The following PIP4K2B variants were observed in gnomAD, a reference collection of about 807,000 sequenced individuals.
The protein encoded by PIP4K2B is phosphatidylinositol-5-phosphate 4-kinase type 2 beta, also known as phosphatidylinositol 5-phosphate 4-kinase type-2 beta.
In PIP4K2B, 3 loss-of-function variants were observed where a neutral mutation model predicts 42.0. The ratio of observed to expected loss-of-function variants is 0.07; its 90% CI spans 0.03 to 0.18. The LOEUF is 0.18. Ranked by LOEUF, PIP4K2B falls within the 10% of genes least tolerant of loss-of-function variation. The pLI, the probability that PIP4K2B is intolerant of heterozygous loss-of-function variation, is 1.00. For missense variants in PIP4K2B, 332 were observed against 562.3 expected (o/e 0.59, Z 4.14); for synonymous variants, 204 against 210.1 (o/e 0.97, Z 0.25).
At chr17:38,789,611 C>T (rs1027468071) in intron 1 of PIP4K2B, among the ~76,000 whole-genome samples, 1 of 152,202 alleles carries the variant, frequency 6.6e-6, no homozygotes, top group African/African-American at 2.4e-5. Context: ...TAATTTGCTG[C>T]TCCTTTTATG....
intron 7 of PIP4K2B, among the ~76,000 whole-genome samples, chr17:38,772,554 G>A (rs1048309009): frequency 6.6e-6 from 1 of 152,026 alleles, no homozygotes; most frequent in Admixed American, 6.6e-5. Flanking sequence ...AGTGATGTTG[G>A]CAATTCAGAT....
chr17:38,794,964 G>A (rs1299500420), intron 1 of PIP4K2B, among the ~76,000 whole-genome samples: 1 of 151,768 alleles, frequency 6.6e-6, no homozygotes, highest in Non-Finnish European at 1.5e-5. Context: ...GCCTGGTGTG[G>A]TGGCGGGCAC....
intron 1 of PIP4K2B, among the ~76,000 whole-genome samples, chr17:38,794,496 TA>T (rs567475860): frequency 0.075 from 9,027 of 120,244 alleles, 699 homozygotes; most frequent in African/African-American, 0.21. Flanking sequence ...ACAATACAAT[TA>T]AAAAAAAAAA....
intron 7 of PIP4K2B, among the ~76,000 whole-genome samples, chr17:38,772,933 T>C (rs151185751): frequency 6.6e-6 from 1 of 152,246 alleles, no homozygotes; most frequent in Non-Finnish European, 1.5e-5. Flanking sequence ...ATAAATTGCA[T>C]GCTGAGGTTG....
chr17:38,778,287 T>C, intron 6 of PIP4K2B, 47 bp downstream of exon 6: 3 of 1,595,260 alleles, frequency 1.9e-6, no homozygotes, highest in Non-Finnish European at 2.6e-6. Context: ...ACAGGAGTTG[T>C]TTCTGACTCC....
intron 1 of PIP4K2B, among the ~76,000 whole-genome samples, chr17:38,789,243 T>C (rs527575534): frequency 6.2e-4 from 94 of 152,360 alleles, no homozygotes; most frequent in Admixed American, 9.1e-4. Flanking sequence ...CTTTCATCCC[T>C]TCAGGGAGCT....
rs1567649520 is a variant in PIP4K2B at position 38,767,782 on chromosome 17, A to G, written c.*1909T>C. 6.6e-6 allele frequency: 1 copy of G among 152,196 alleles called. No homozygotes were observed. Among genetic ancestry groups the G allele is most frequent in the Admixed American group, 6.5e-5 (1 of 15,284 alleles). The allele number at this position is 152,196 out of a possible 1,614,324, so 9.4% of individuals were successfully genotyped here. A position where few individuals can be genotyped will look rare whatever the true frequency, so the allele number is the denominator to read the frequency against. ...TGACGTGGGGAAATCAAGTCCAAAC[A>G]TTATTCCTACATAATCCCTTTCCCA... On this transcript the variant is annotated 3_prime_UTR_variant, in exon 10 of 10. Coordinates refer to ENST00000619039, the MANE Select transcript of PIP4K2B (RefSeq NM_003559.5).
In PIP4K2B at chr17:38,768,028, T is replaced by G. The variant is rs1329801154; in HGVS notation, c.*1663A>C. Reference sequence around the variant, plus strand: ...TCTTTCCTGACCTATATGCTGTGAGTCAGGCACAGAGACAGTGCTGGTTCC... The same window carrying G: ...TCTTTCCTGACCTATATGCTGTGAGGCAGGCACAGAGACAGTGCTGGTTCC... On this transcript the variant is annotated 3_prime_UTR_variant, in exon 10 of 10. Transcript: ENST00000619039. 4 of 152,202 alleles carry G rather than the reference T, an allele frequency of 2.6e-5. No individual in the cohort carries two copies. In the South Asian group the frequency reaches 8.3e-4, roughly 31 times the overall value. The allele number at this position is 152,202 out of a possible 1,614,324, so 9.4% of individuals were successfully genotyped here.
Position 38,769,651 on chromosome 17 carries a change from C to T in PIP4K2B, c.*40G>A, listed in dbSNP as rs759074785. The stretch of plus-strand genomic sequence containing the variant: ...CTCCCTAACTCCCGATCCCCGACCC[C>T]ATATCCAGCTCTCTGGCTCTGGCTG... On this transcript the variant is annotated 3_prime_UTR_variant, in exon 10 of 10. Coordinates refer to ENST00000619039, the MANE Select transcript of PIP4K2B (RefSeq NM_003559.5). The T allele has an allele frequency of 1.3e-5, 16 of 1,190,496 alleles. No homozygotes were observed. Among genetic ancestry groups the T allele is most frequent in the Non-Finnish European group, 2.0e-5 (16 of 792,914 alleles). 73.7% of individuals were successfully genotyped at this position (1,190,496 alleles called of 1,614,324 possible).
intron 7 of PIP4K2B, among the ~76,000 whole-genome samples, chr17:38,774,536 A>C (rs1301632437): frequency 6.6e-6 from 1 of 152,170 alleles, no homozygotes; most frequent in Non-Finnish European, 1.5e-5. Flanking sequence ...TGGGAGGCCG[A>C]GGCAGGCAGA....
At chr17:38,773,298 C>A (rs150212434) in intron 7 of PIP4K2B, among the ~76,000 whole-genome samples, 9 of 152,206 alleles carry the variant, frequency 5.9e-5, no homozygotes, top group African/African-American at 2.2e-4. Flanking sequence ...AACACAAAAC[C>A]ATACAAGAAT....
intron 7 of PIP4K2B, among the ~76,000 whole-genome samples, chr17:38,777,117 T>G (rs985731960): frequency 6.6e-6 from 1 of 152,126 alleles, no homozygotes; most frequent in Non-Finnish European, 1.5e-5. Flanking sequence ...CAGGCTGGAG[T>G]GTAGTGGTGA....
At chr17:38,771,560 A>T (rs565137917) in intron 7 of PIP4K2B, among the ~76,000 whole-genome samples, 1 of 151,476 alleles carries the variant, frequency 6.6e-6, no homozygotes, top group African/African-American at 2.4e-5. Flanking sequence ...AAAAAAAAAA[A>T]AAAAAAAAAA....
chr17:38,782,124 C>T (rs1598050443), intron 3 of PIP4K2B, among the ~76,000 whole-genome samples: 1 of 152,104 alleles, frequency 6.6e-6, no homozygotes. Context: ...AGTAGCACCC[C>T]AAAAAACAGG....
chr17:38,782,217 A>C (rs913247716), intron 3 of PIP4K2B, among the ~76,000 whole-genome samples: 10 of 152,212 alleles, frequency 6.6e-5, no homozygotes, highest in African/African-American at 2.2e-4. Context: ...CATAAGACTT[A>C]CAGGCTGCAA....
intron 5 of PIP4K2B, among the ~76,000 whole-genome samples, chr17:38,778,839 G>T (rs900956040): frequency 6.6e-6 from 1 of 152,190 alleles, no homozygotes; most frequent in Non-Finnish European, 1.5e-5. Flanking sequence ...GTGGGGGAAG[G>T]AGTGGGTGGA....
intron 1 of PIP4K2B, among the ~76,000 whole-genome samples, chr17:38,792,387 A>G (rs1910389194): frequency 6.6e-6 from 1 of 152,116 alleles, no homozygotes; most frequent in Non-Finnish European, 1.5e-5. Flanking sequence ...CAAGCAATCC[A>G]TCCACCTCAG....
At chr17:38,792,533 T>C (rs1215951704) in intron 1 of PIP4K2B, among the ~76,000 whole-genome samples, 1 of 152,218 alleles carries the variant, frequency 6.6e-6, no homozygotes, top group Non-Finnish European at 1.5e-5. Flanking sequence ...CTGGTGAACT[T>C]GTGTGTCCAG....
intron 7 of PIP4K2B, among the ~76,000 whole-genome samples, chr17:38,777,335 G>A (rs1909418322): frequency 6.6e-6 from 1 of 152,154 alleles, no homozygotes; most frequent in African/African-American, 2.4e-5. Flanking sequence ...AAAATGTTGG[G>A]GTTACAGGAC....
Sources: gnomAD v4.1 joint callset for allele counts (sites outside exome capture counted in the v4.1 genomes callset) on GRCh38, gnomAD v4.1.1 for gene constraint, MANE v1.5 for transcripts, NCBI Gene and HGNC (gene_info 2026-07-23, HGNC 2026-07-21) for gene names.